The following CLIC6 variants were observed in gnomAD, a reference collection of about 807,000 sequenced individuals.
The protein encoded by CLIC6 is chloride intracellular channel protein 6.
Under a neutral mutation model 49.2 loss-of-function variants are expected in CLIC6, and 39 were observed. The ratio of observed to expected loss-of-function variants is 0.79; its 90% CI spans 0.61 to 1.04. The LOEUF (loss-of-function observed/expected upper bound fraction) is 1.04, where lower values mean the gene tolerates loss of function less well. CLIC6 is among the 50% of genes least tolerant of loss of function. The pLI, the probability that CLIC6 is intolerant of heterozygous loss-of-function variation, is 0.00. For missense variants in CLIC6, 988 were observed against 993.1 expected (o/e 0.99, Z 0.07); for synonymous variants, 446 against 433.4 (o/e 1.03, Z -0.36).
intron 1 of CLIC6, among the ~76,000 whole-genome samples, chr21:34,683,544 C>T (rs1989820750): frequency 6.6e-6 from 1 of 152,150 alleles, no homozygotes; most frequent in Non-Finnish European, 1.5e-5. Flanking sequence ...TATGGTTTGG[C>T]TCTTTGTCCC....
intron 5 of CLIC6, among the ~76,000 whole-genome samples, chr21:34,714,913 G>A (rs1224271725): frequency 2.0e-5 from 3 of 152,088 alleles, no homozygotes; most frequent in South Asian, 4.1e-4. Flanking sequence ...ATAAAAAGAT[G>A]GGCAAAGAAA....
intron 1 of CLIC6, among the ~76,000 whole-genome samples, chr21:34,701,636 G>A (rs986498227): frequency 1.2e-4 from 18 of 152,150 alleles, no homozygotes; most frequent in Non-Finnish European, 5.9e-5. Context: ...CAATTAGTAA[G>A]TAGGGGGCCA....
chr21:34,707,436 T>TGCAC (rs774382491), intron 2 of CLIC6, 47 bp downstream of exon 2: 14 of 647,956 alleles, frequency 2.2e-5, no homozygotes, highest in Middle Eastern at 3.6e-4. Context: ...CCTAGTTCTC[T>TGCAC]GCACACACAC....
At position 34,678,720 on chromosome 21, in the gene CLIC6, A is replaced by T. The variant is rs115149824; in HGVS notation, c.1374+7958A>T. Among the ~76,000 whole-genome samples, 1,451 of 152,340 alleles carry T rather than the reference A, an allele frequency of 9.5e-3. 24 individuals carry two copies. Among genetic ancestry groups the T allele is most frequent in the African/African-American group, 0.033 (1,364 of 41,574 alleles). On this transcript the variant is annotated intron_variant, in intron 1 of 5. Transcript: ENST00000349499. ...AATGTAGGTTAAATGTATTTATACA[A>T]ATTTTAGTATAACATATTTATGTAG...
chr21:34,692,498 G>T (rs1251441126), intron 1 of CLIC6, among the ~76,000 whole-genome samples: 1 of 152,182 alleles, frequency 6.6e-6, no homozygotes, highest in Non-Finnish European at 1.5e-5. Flanking sequence ...CTGATTTCTG[G>T]AGTCTTTTAA....
rs977098331 is a variant in CLIC6 at position 34,717,223 on chromosome 21, T to G, written c.*741T>G. On this transcript the variant is annotated 3_prime_UTR_variant, in exon 6 of 6. Transcript: ENST00000349499. ...ATCCGTGTCTCTGGTTCCAGCTTCC[T>G]GTCTTTGCTCCCTCCCCTCTCTTAG... The G allele has an allele frequency of 6.6e-6, 1 of 152,250 alleles. No individual in the cohort carries two copies. The highest frequency in any genetic ancestry group is 2.4e-5 in the African/African-American group (1 of 41,454). The allele number at this position is 152,250 out of a possible 1,614,324, so 9.4% of individuals were successfully genotyped here.
chr21:34,713,957 C>A (rs1370658847), intron 5 of CLIC6, among the ~76,000 whole-genome samples: 4 of 152,112 alleles, frequency 2.6e-5, no homozygotes, highest in Non-Finnish European at 5.9e-5. Context: ...AGACTGGCCC[C>A]AGATGTCTTC....
intron 1 of CLIC6, among the ~76,000 whole-genome samples, chr21:34,689,920 T>C (rs1989958959): frequency 6.6e-6 from 1 of 152,354 alleles, no homozygotes; most frequent in South Asian, 2.1e-4. Context: ...CTCCACACTG[T>C]CTTATCCAAA....
At chr21:34,705,788 T>C (rs1305214828) in intron 1 of CLIC6, among the ~76,000 whole-genome samples, 2 of 151,800 alleles carry the variant, frequency 1.3e-5, no homozygotes, top group Admixed American at 6.7e-5. Context: ...CAATTGGGGG[T>C]TCACATTGTT....
intron 1 of CLIC6, among the ~76,000 whole-genome samples, chr21:34,685,009 C>T (rs1163982610): frequency 6.6e-6 from 1 of 152,188 alleles, no homozygotes; most frequent in African/African-American, 2.4e-5. Context: ...TAGATTTTGC[C>T]TTCCAGCTAG....
At position 34,670,514 on chromosome 21, in the gene CLIC6, C is replaced by G. The variant is rs1989534910; in HGVS notation, c.1126C>G (p.Arg376Gly). Residue 376 changes from arginine to glycine, a missense_variant, in exon 1 of 6, where the codon CGG becomes GGG. Physicochemically the swap from Arg to Gly is moderately radical, Grantham distance 125. Coordinates refer to ENST00000349499, the MANE Select transcript of CLIC6 (RefSeq NM_053277.3). The stretch of plus-strand genomic sequence containing the variant: ...GGGGGAGGACGAAGAGAGACGAGAG[C>G]GGAGCCCGGAGGGGCCAAGGGAGGA... ...EPGEDEERRE[R>G]SPEGPREEEA... 40 of 1,493,676 alleles carry G rather than the reference C, an allele frequency of 2.7e-5. No individual in the cohort carries two copies. The highest frequency in any genetic ancestry group is 3.5e-5 in the Non-Finnish European group (39 of 1,121,030). The allele number at this position is 1,493,676 out of a possible 1,614,324, so 92.5% of individuals were successfully genotyped here.
intron 1 of CLIC6, among the ~76,000 whole-genome samples, chr21:34,700,917 A>G (rs1990176611): frequency 7.2e-6 from 1 of 139,450 alleles, no homozygotes; most frequent in Non-Finnish European, 1.5e-5. Context: ...TGGCTCCTAG[A>G]TACGAATGCC....
chr21:34,670,548 C>A lies in CLIC6; in HGVS notation c.1160C>A (p.Ala387Glu). The A allele has an allele frequency of 1.3e-6, 2 of 1,498,366 alleles. No individual in the cohort carries two copies. The highest frequency in any genetic ancestry group is 1.8e-6 in the Non-Finnish European group (2 of 1,124,520). 92.8% of individuals were successfully genotyped at this position (1,498,366 alleles called of 1,614,324 possible). A position where few individuals can be genotyped will look rare whatever the true frequency, so the allele number is the denominator to read the frequency against. ...SPEGPREEEA[A>E]GGEEESPDSS... ...GAGGGGCCAAGGGAGGAGGAAGCAGCGGGGGGCGAAGAGGAATCCCCCGAC... is the reference window on the plus strand; with the variant it reads ...GAGGGGCCAAGGGAGGAGGAAGCAGAGGGGGGCGAAGAGGAATCCCCCGAC... Residue 387 changes from alanine (A) to glutamate (E), a missense_variant, in exon 1 of 6, where the codon GCG becomes GAG. Transcript: ENST00000349499.
At chr21:34,696,181 C>G (rs1990084323) in intron 1 of CLIC6, among the ~76,000 whole-genome samples, 1 of 151,690 alleles carries the variant, frequency 6.6e-6, no homozygotes, top group Non-Finnish European at 1.5e-5. Context: ...ACTAGAGACC[C>G]CCCCCATCCC....
chr21:34,711,414 C>A (rs2056055636), intron 5 of CLIC6, among the ~76,000 whole-genome samples: 1 of 152,026 alleles, frequency 6.6e-6, no homozygotes. Flanking sequence ...CGCCTGTAGT[C>A]CCATGCATTT....
At chr21:34,707,560 C>T (rs745618058) in intron 2 of CLIC6, among the ~76,000 whole-genome samples, 171 bp downstream of exon 2, 4 of 151,940 alleles carry the variant, frequency 2.6e-5, no homozygotes, top group African/African-American at 4.8e-5. Context: ...ATGACAGGGT[C>T]GGCTGGGCTG....
intron 1 of CLIC6, among the ~76,000 whole-genome samples, chr21:34,700,417 A>G (rs113008733): frequency 7.8e-6 from 1 of 128,480 alleles, no homozygotes; most frequent in African/African-American, 3.4e-5. Context: ...ACCGCACTCC[A>G]GCCTGGGCGA....
intron 5 of CLIC6, 59 bp downstream of exon 5, chr21:34,709,597 G>A: frequency 6.8e-7 from 1 of 1,469,370 alleles, no homozygotes; most frequent in Non-Finnish European, 9.4e-7. Flanking sequence ...GTTTTATTTT[G>A]TTTTTACTTG....
intron 1 of CLIC6, among the ~76,000 whole-genome samples, chr21:34,689,013 G>A (rs1989937464): frequency 6.6e-6 from 1 of 152,186 alleles, no homozygotes; most frequent in South Asian, 2.1e-4. Context: ...CCTTTGTGAA[G>A]CTGCTCTCAG....
Sources: gnomAD v4.1 joint callset for allele counts (sites outside exome capture counted in the v4.1 genomes callset) on GRCh38, gnomAD v4.1.1 for gene constraint, MANE v1.5 for transcripts, NCBI Gene and HGNC (gene_info 2026-07-23, HGNC 2026-07-21) for gene names.